HLA-DQB1: variants seen among roughly 807,000 people sequenced by gnomAD.
The protein encoded by HLA-DQB1 is HLA class II histocompatibility antigen, DQ beta 1 chain.
Under a neutral mutation model 26.4 loss-of-function variants are expected in HLA-DQB1, and 13 were observed. That is an observed-to-expected ratio of 0.49 (90% confidence interval 0.32 to 0.78). The LOEUF (loss-of-function observed/expected upper bound fraction) is 0.78, where lower values mean the gene tolerates loss of function less well. Among genes scored for constraint, HLA-DQB1 ranks in the 30% least tolerant of loss-of-function variants. The pLI is 0.03. For missense variants in HLA-DQB1, 158 were observed against 326.2 expected (o/e 0.48, Z 3.97); for synonymous variants, 60 against 129.1 (o/e 0.46, Z 3.63).
chr6:32,660,615 G>A (rs117706971), intron 4 of HLA-DQB1: 13,271 of 433,238 alleles, frequency 0.031, 1,969 homozygotes, highest in East Asian at 0.2. Context: ...TCATCCTAGT[G>A]TCTAACATTT....
chr6:32,660,922 A>C (rs9273530), intron 4 of HLA-DQB1: 21 of 1,424,468 alleles, frequency 1.5e-5, no homozygotes, highest in Non-Finnish European at 2.0e-5. Context: ...CTCATTACAC[A>C]AACAGCCACT....
chr6:32,666,351 A>C, intron 1 of HLA-DQB1, 148 bp downstream of exon 1: 1 of 421,936 alleles, frequency 2.4e-6, no homozygotes. Flanking sequence ...ATAAATGGGA[A>C]TGCAACATAG....
intron 4 of HLA-DQB1, chr6:32,660,935 C>T (rs9273531): frequency 0.086 from 104,911 of 1,222,448 alleles, 6,486 homozygotes; most frequent in Admixed American, 0.2. Context: ...CAGCCACTCT[C>T]TCACCCCAAA....
intron 1 of HLA-DQB1, among the ~76,000 whole-genome samples, chr6:32,666,242 A>C (rs281861069): frequency 2.6e-5 from 3 of 113,604 alleles, no homozygotes; most frequent in Admixed American, 1.0e-4. Context: ...CGCTGGTAGT[A>C]AATGTACACT....
At chr6:32,660,778 AC>A (rs796913782) in intron 4 of HLA-DQB1, 20,213 of 776,204 alleles carry the variant, frequency 0.026, 3,541 homozygotes, top group East Asian at 0.21. Flanking sequence ...AACATGGACC[AC>A]TGTGGTCAGG....
At chr6:32,661,007 C>A (rs3020628) in intron 4 of HLA-DQB1, 287,004 of 551,724 alleles carry the variant, frequency 0.52, 83,061 homozygotes, top group East Asian at 0.68. Context: ...TCCAGGCCTT[C>A]AGCACCCTAA....
At chr6:32,661,872 G>A in intron 3 of HLA-DQB1, 95 bp downstream of exon 3, 2 of 992,064 alleles carry the variant, frequency 2.0e-6, no homozygotes, top group Non-Finnish European at 3.0e-6. Flanking sequence ...TCCCAGCTCA[G>A]TAGTGACATC....
At chr6:32,666,349 G>A (rs9274505) in intron 1 of HLA-DQB1, 150 bp downstream of exon 1, 43,135 of 399,336 alleles carry the variant, frequency 0.11, 3,973 homozygotes, top group African/African-American at 0.19. Flanking sequence ...AGATAAATGG[G>A]AATGCAACAT....
intron 1 of HLA-DQB1, among the ~76,000 whole-genome samples, chr6:32,666,112 A>G (rs41267572): frequency 0.21 from 23,235 of 113,028 alleles, 2,432 homozygotes; most frequent in Middle Eastern, 0.38. Flanking sequence ...ACATTTTCCA[A>G]TGCAGGATCT....
intron 2 of HLA-DQB1, 70 bp downstream of exon 2, chr6:32,664,728 C>A: frequency 1.9e-6 from 1 of 521,244 alleles, no homozygotes. Context: ...TCGCCCCCAT[C>A]GCCCCTCCCG....
intron 2 of HLA-DQB1, chr6:32,664,078 T>TTATCCTCTGC (rs1381205563): frequency 1.1e-5 from 1 of 87,878 alleles, no homozygotes; most frequent in Admixed American, 1.4e-4. Context: ...AAGCCTCTGT[T>TTATCCTCTGC]TTTTTCTTGA....
chr6:32,663,386 G>GGATTGATTAATAATAAATTT (rs1783401038), intron 2 of HLA-DQB1: 1 of 77,240 alleles, frequency 1.3e-5, no homozygotes, highest in Non-Finnish European at 2.8e-5. Flanking sequence ...GTCAGACTAG[G>GGATTGATTAATAATAAATTT]GATTGATTAA....
intron 4 of HLA-DQB1, 101 bp from the exon 5 acceptor site, chr6:32,660,350 T>C (rs9273482): frequency 0.24 from 121,228 of 498,786 alleles, 33,683 homozygotes; most frequent in Admixed American, 0.46. Context: ...ACAGAGAAAG[T>C]TGAGGTCCAG....
chr6:32,661,989 C>T (rs1026912781), exon 3 of HLA-DQB1: 2 of 1,551,318 alleles, frequency 1.3e-6, no homozygotes, highest in South Asian at 1.2e-5. Context: ...TGATGGGGCT[C>T]TGGAGGCTGG....
At chr6:32,666,406 C>A in intron 1 of HLA-DQB1, 93 bp downstream of exon 1, 1 of 480,976 alleles carries the variant, frequency 2.1e-6, no homozygotes, top group South Asian at 2.9e-5. Context: ...AGATTGTGTC[C>A]AAGATCATAG....
chr6:32,665,250 G>A (rs281874781), intron 1 of HLA-DQB1, among the ~76,000 whole-genome samples, 183 bp from the exon 2 acceptor site: 4 of 122,954 alleles, frequency 3.3e-5, no homozygotes, highest in African/African-American at 9.2e-5. Context: ...CCTTCTTTGC[G>A]GGCTTCTGGA....
rs281861936 is a variant in HLA-DQB1, at chr6:32,665,207, G to A, written c.110-140C>T. 3.2e-5 allele frequency: 16 copies of A among 493,166 alleles called. 1 individual carries two copies. The highest frequency in any genetic ancestry group is 6.5e-4 in the Middle Eastern group (1 of 1,528). The allele number at this position is 493,166 out of a possible 1,614,324, so 30.5% of individuals were successfully genotyped here. ...CCCGTGCCTGGCGCTCCAGACCTGGGATCCTCCCGGCGGCTCTGCCCAGCT... is the reference window on the plus strand; with the variant it reads ...CCCGTGCCTGGCGCTCCAGACCTGGAATCCTCCCGGCGGCTCTGCCCAGCT... On this transcript the variant is annotated intron_variant, in intron 1 of 4. Coordinates refer to ENST00000434651, the Ensembl canonical transcript of HLA-DQB1.
intron 2 of HLA-DQB1, chr6:32,664,568 GC>G: frequency 4.1e-6 from 1 of 245,976 alleles, no homozygotes. Context: ...GGACGGGGAG[GC>G]TGGGGGGGAC....
intron 4 of HLA-DQB1, 108 bp downstream of exon 4, chr6:32,661,239 C>CTT: frequency 4.6e-6 from 2 of 430,492 alleles, no homozygotes; most frequent in Non-Finnish European, 7.6e-6. Flanking sequence ...TGTCTCCTCG[C>CTT]ACTTCTTCTC....
Sources: gnomAD v4.1 joint callset for allele counts (sites outside exome capture counted in the v4.1 genomes callset) on GRCh38, gnomAD v4.1.1 for gene constraint, MANE v1.5 for transcripts, NCBI Gene and HGNC (gene_info 2026-07-23, HGNC 2026-07-21) for gene names.